OR1J2: variants seen among roughly 807,000 people sequenced by gnomAD.
OR1J2 encodes olfactory receptor family 1 subfamily J member 2.
For synonymous variants in OR1J2, 142 were observed against 99.7 expected (o/e 1.42, Z -2.52); for missense variants, 304 against 246.1 (o/e 1.24, Z -1.57).
the OR1J2 span, among the ~76,000 whole-genome samples, chr9:122,566,763 G>C: frequency 6.6e-6 from 1 of 151,806 alleles, no homozygotes; most frequent in Non-Finnish European, 1.5e-5. Context: ...ATTTCTATAG[G>C]CTAGAGTCCT....
At chr9:122,553,863 G>A in the OR1J2 span, 43 of 1,613,918 alleles carry the variant, frequency 2.7e-5, no homozygotes, top group African/African-American at 2.3e-4. Context: ...CCTGCTGATC[G>A]TCTTCTCCTA....
the OR1J2 span, chr9:122,526,646 G>T: frequency 2.5e-6 from 4 of 1,614,072 alleles, no homozygotes; most frequent in African/African-American, 4.0e-5. Context: ...CAATGTGGAT[G>T]TAGGAGGTGA....
the OR1J2 span, chr9:122,519,150 G>A: frequency 1.2e-5 from 19 of 1,596,276 alleles, no homozygotes; most frequent in South Asian, 3.3e-5. Flanking sequence ...CATGAAGAGG[G>A]AGAATCAGAG....
the OR1J2 span, among the ~76,000 whole-genome samples, chr9:122,486,109 C>A: frequency 6.6e-6 from 1 of 151,966 alleles, no homozygotes; most frequent in East Asian, 1.9e-4. Context: ...TACAGGTGCC[C>A]ACTAGCATGC....
chr9:122,454,985 G>A, the OR1J2 span, among the ~76,000 whole-genome samples: 1 of 152,296 alleles, frequency 6.6e-6, no homozygotes, highest in Admixed American at 6.5e-5. Flanking sequence ...AGCCTTTTAT[G>A]TCCGGCTTCT....
chr9:122,513,766 C>G (rs889958953), downstream of OR1J2, among the ~76,000 whole-genome samples: 3 of 151,978 alleles, frequency 2.0e-5, no homozygotes, highest in African/African-American at 7.3e-5. Context: ...TCATTCAACT[C>G]CCACTTATGA....
the OR1J2 span, among the ~76,000 whole-genome samples, chr9:122,525,605 A>C: frequency 2.6e-5 from 4 of 152,120 alleles, no homozygotes; most frequent in Non-Finnish European, 4.4e-5. Context: ...TCAAATAAGG[A>C]GAGAGGATTT....
At chr9:122,454,017 C>T in the OR1J2 span, among the ~76,000 whole-genome samples, 1 of 152,204 alleles carries the variant, frequency 6.6e-6, no homozygotes, top group African/African-American at 2.4e-5. Flanking sequence ...CCTACTGTTG[C>T]TTAGGCAGGT....
upstream of OR1J2, among the ~76,000 whole-genome samples, chr9:122,508,121 A>AG (rs1229419552): frequency 7.8e-5 from 11 of 140,594 alleles, no homozygotes; most frequent in African/African-American, 2.7e-4. Flanking sequence ...AGGGAGAGTG[A>AG]GGGGGGGAGA....
At chr9:122,498,601 C>T in the OR1J2 span, among the ~76,000 whole-genome samples, 1 of 152,018 alleles carries the variant, frequency 6.6e-6, no homozygotes, top group African/African-American at 2.4e-5. Context: ...TTTTGAAATC[C>T]ATCTTTGAAT....
the OR1J2 span, among the ~76,000 whole-genome samples, chr9:122,570,635 GC>G: frequency 1.3e-5 from 2 of 152,128 alleles, no homozygotes; most frequent in Non-Finnish European, 2.9e-5. Context: ...CTGTTCCCCA[GC>G]CACCTCAGCG....
the OR1J2 span, among the ~76,000 whole-genome samples, chr9:122,574,261 T>A: frequency 2.0e-5 from 3 of 152,202 alleles, no homozygotes; most frequent in African/African-American, 4.8e-5. Flanking sequence ...GGGATTTTGA[T>A]CGGTATTGCA....
chr9:122,466,597 C>T, the OR1J2 span, among the ~76,000 whole-genome samples: 2 of 152,300 alleles, frequency 1.3e-5, no homozygotes, highest in African/African-American at 2.4e-5. Flanking sequence ...CAAACTGAGG[C>T]TCCCAGACAT....
At chr9:122,577,400 A>G in the OR1J2 span, among the ~76,000 whole-genome samples, 26 of 152,340 alleles carry the variant, frequency 1.7e-4, no homozygotes, top group African/African-American at 5.1e-4. Flanking sequence ...TGACCTCCAC[A>G]TACAAAAATC....
At chr9:122,464,449 C>T in the OR1J2 span, among the ~76,000 whole-genome samples, 1 of 152,252 alleles carries the variant, frequency 6.6e-6, no homozygotes, top group Admixed American at 6.5e-5. Context: ...CCTGCAGCAG[C>T]AATCCACCTC....
chr9:122,477,280 A>G, the OR1J2 span: 24 of 1,614,170 alleles, frequency 1.5e-5, no homozygotes, highest in East Asian at 8.9e-5. Context: ...ACCATAAGAA[A>G]CCAGGATGCA....
At chr9:122,471,876 G>C in the OR1J2 span, among the ~76,000 whole-genome samples, 1 of 152,098 alleles carries the variant, frequency 6.6e-6, no homozygotes, top group Non-Finnish European at 1.5e-5. Context: ...AGATATACTT[G>C]GGTTTGGGCC....
the OR1J2 span, among the ~76,000 whole-genome samples, chr9:122,570,672 G>A: frequency 6.6e-6 from 1 of 152,232 alleles, no homozygotes; most frequent in Admixed American, 6.5e-5. Flanking sequence ...TGATATTCCT[G>A]CATGTTCTCA....
At chr9:122,577,685 A>G in the OR1J2 span, among the ~76,000 whole-genome samples, 1 of 152,232 alleles carries the variant, frequency 6.6e-6, no homozygotes, top group African/African-American at 2.4e-5. Flanking sequence ...GCAGGTGGAA[A>G]TGTAAAGTAT....
Sources: allele counts gnomAD v4.1 joint callset (sites outside exome capture counted in the v4.1 genomes callset), GRCh38; gene constraint gnomAD v4.1.1; transcripts MANE v1.5; gene names NCBI Gene and HGNC (gene_info 2026-07-23, HGNC 2026-07-21).